CSMD3: variants seen among roughly 807,000 people sequenced by gnomAD.
The protein encoded by CSMD3 is CUB and Sushi multiple domains 3.
Under a neutral mutation model 435.2 loss-of-function variants are expected in CSMD3, and 177 were observed. That is an observed-to-expected ratio of 0.41 (90% CI 0.36 to 0.46). The LOEUF (loss-of-function observed/expected upper bound fraction) is 0.46, where lower values mean the gene tolerates loss of function less well. Ranked by LOEUF, CSMD3 falls within the 20% of genes least tolerant of loss-of-function variation. The pLI, the probability that CSMD3 is intolerant of heterozygous loss-of-function variation, is 0.34. For missense variants in CSMD3, 4,265 were observed against 4,504.6 expected, an observed-to-expected ratio of 0.95 and a Z score of 1.52; for synonymous variants, 1,656 against 1,520.5, an observed-to-expected ratio of 1.09 and a Z score of -2.07.
intron 35 of CSMD3, among the ~76,000 whole-genome samples, chr8:112,391,824 A>C (rs1242111060): frequency 6.6e-6 from 1 of 152,178 alleles, no homozygotes; most frequent in Non-Finnish European, 1.5e-5. Context: ...ACAAGAAAGA[A>C]TATGTATGCA....
At chr8:112,499,318 C>T (rs1049178568) in intron 30 of CSMD3, among the ~76,000 whole-genome samples, 1 of 151,910 alleles carries the variant, frequency 6.6e-6, no homozygotes, top group Non-Finnish European at 1.5e-5. Flanking sequence ...AATATATAAA[C>T]AAAGTGGTAA....
chr8:112,999,378 T>C (rs1248939202), intron 6 of CSMD3, among the ~76,000 whole-genome samples: 1 of 151,806 alleles, frequency 6.6e-6, no homozygotes, highest in Non-Finnish European at 1.5e-5. Context: ...AAAAACCCTA[T>C]GACAGAAGGA....
At chr8:112,970,023 T>G (rs1200709895) in intron 7 of CSMD3, among the ~76,000 whole-genome samples, 1 of 152,076 alleles carries the variant, frequency 6.6e-6, no homozygotes. Context: ...AGTCTAGGAC[T>G]ATCAATACTA....
At chr8:112,298,341 A>C (rs762012638) in intron 53 of CSMD3, among the ~76,000 whole-genome samples, 6 of 152,112 alleles carry the variant, frequency 3.9e-5, no homozygotes, top group Non-Finnish European at 8.8e-5. Context: ...TTTTTCAATA[A>C]ATAGTGCAAG....
intron 4 of CSMD3, among the ~76,000 whole-genome samples, chr8:113,132,791 G>C (rs1365369050): frequency 1.3e-5 from 2 of 152,288 alleles, no homozygotes; most frequent in Middle Eastern, 3.4e-3. Flanking sequence ...TGGGAATAGG[G>C]AAGGGGGCTT....
intron 35 of CSMD3, among the ~76,000 whole-genome samples, chr8:112,395,193 A>G (rs903956159): frequency 6.6e-6 from 1 of 152,186 alleles, no homozygotes; most frequent in African/African-American, 2.4e-5. Flanking sequence ...ATGTGGATTA[A>G]TAGAGCAGGC....
chr8:112,389,263 T>C (rs1264158720), intron 36 of CSMD3, among the ~76,000 whole-genome samples: 1 of 152,202 alleles, frequency 6.6e-6, no homozygotes, highest in African/African-American at 2.4e-5. Flanking sequence ...TGATTTAATA[T>C]ATAGATGCTC....
chr8:113,255,753 T>C (rs143211855), intron 3 of CSMD3, among the ~76,000 whole-genome samples: 212 of 152,060 alleles, frequency 1.4e-3, no homozygotes, highest in Middle Eastern at 0.01. Flanking sequence ...TATACTGATA[T>C]TATAATTTTT....
intron 13 of CSMD3, among the ~76,000 whole-genome samples, chr8:112,777,105 G>C (rs903185754): frequency 2.6e-5 from 4 of 151,694 alleles, no homozygotes; most frequent in Admixed American, 2.0e-4. Flanking sequence ...TGGAGATGCT[G>C]TGCCCAAAAA....
chr8:113,399,263 C>T (rs758534617), intron 1 of CSMD3, among the ~76,000 whole-genome samples: 22 of 151,118 alleles, frequency 1.5e-4, no homozygotes, highest in Non-Finnish European at 2.2e-4. Flanking sequence ...GCCAGTTTGA[C>T]AATTCCTCAA....
intron 6 of CSMD3, among the ~76,000 whole-genome samples, chr8:113,006,354 A>C (rs2086055348): frequency 1.3e-5 from 2 of 152,032 alleles, no homozygotes; most frequent in South Asian, 2.1e-4. Flanking sequence ...AGTTAAAAGA[A>C]GACTGGTGGA....
intron 3 of CSMD3, among the ~76,000 whole-genome samples, chr8:113,249,466 T>C: frequency 6.6e-6 from 1 of 152,168 alleles, no homozygotes; most frequent in East Asian, 1.9e-4. Flanking sequence ...TTGCCTCCCC[T>C]TGAGTTTGAG....
intron 4 of CSMD3, among the ~76,000 whole-genome samples, chr8:113,164,253 TATATC>T (rs1192397919): frequency 6.6e-6 from 1 of 151,940 alleles, no homozygotes; most frequent in African/African-American, 2.4e-5. Flanking sequence ...TTTAGCTACA[TATATC>T]ATATTTTTTG....
chr8:113,410,190 A>G (rs1252333209), intron 1 of CSMD3, among the ~76,000 whole-genome samples: 4 of 152,130 alleles, frequency 2.6e-5, no homozygotes, highest in African/African-American at 9.7e-5. Flanking sequence ...TGTAATTAAT[A>G]TTATGTATTT....
intron 2 of CSMD3, among the ~76,000 whole-genome samples, chr8:113,291,751 C>T (rs1323020202): frequency 6.6e-6 from 1 of 151,660 alleles, no homozygotes. Flanking sequence ...ATGAAATCAT[C>T]AATAAAGTCA....
intron 68 of CSMD3, among the ~76,000 whole-genome samples, chr8:112,232,417 A>G (rs1586468856): frequency 6.6e-6 from 1 of 152,096 alleles, no homozygotes; most frequent in Non-Finnish European, 1.5e-5. Context: ...AGACCAGCCT[A>G]GCCAACATGG....
intron 5 of CSMD3, among the ~76,000 whole-genome samples, chr8:113,044,385 A>G (rs2087746018): frequency 6.8e-6 from 1 of 146,980 alleles, no homozygotes; most frequent in African/African-American, 2.4e-5. Context: ...GGTAGTAGTC[A>G]TTCAATAAAT....
In CSMD3 at chr8:112,383,633, T is replaced by C; in HGVS notation, c.5965A>G (p.Asn1989Asp). The C allele has an allele frequency of 6.2e-7, 1 of 1,608,706 alleles. No individual in the cohort carries two copies. The highest frequency in any genetic ancestry group is 8.5e-7 in the Non-Finnish European group (1 of 1,175,260). Residue 1989 changes from asparagine (N) to aspartate (D), a missense_variant, in exon 37 of 71, where the codon AAT (asparagine) becomes GAT (aspartate). By Grantham distance (23) the Asn-to-Asp change is conservative. Transcript: ENST00000297405. The part of the protein sequence containing the change: ...VQVVSFATEH[N>D]WDSLDFYDGG... Reference sequence around the variant, plus strand: ...TCATAAAAGTCCAGAGAATCCCAATTATGTTCTGTAGCAAAGCTAACAACT... The same window carrying C: ...TCATAAAAGTCCAGAGAATCCCAATCATGTTCTGTAGCAAAGCTAACAACT...
intron 3 of CSMD3, among the ~76,000 whole-genome samples, chr8:113,176,201 A>C (rs1047951796): frequency 1.3e-5 from 2 of 152,150 alleles, no homozygotes; most frequent in Non-Finnish European, 2.9e-5. Context: ...CTTCACTTTC[A>C]GGAAAGTCCT....
Sources: allele counts gnomAD v4.1 joint callset (sites outside exome capture counted in the v4.1 genomes callset), GRCh38; gene constraint gnomAD v4.1.1; transcripts MANE v1.5; gene names NCBI Gene and HGNC (gene_info 2026-07-23, HGNC 2026-07-21).